The following SLC30A4 variants were observed in gnomAD, a reference collection of about 807,000 sequenced individuals.
SLC30A4 encodes the protein probable proton-coupled zinc antiporter SLC30A4.
SLC30A4 carries 20 observed loss-of-function variants against 41.7 expected under a neutral mutation model. The ratio of observed to expected loss-of-function variants is 0.48; its 90% CI spans 0.34 to 0.70. The LOEUF is 0.70. Ranked by LOEUF, SLC30A4 falls within the 30% of genes least tolerant of loss-of-function variation. SLC30A4 has a pLI of 0.01. For missense variants in SLC30A4, 441 were observed against 529.3 expected, an observed-to-expected ratio of 0.83 and a Z score of 1.64; for synonymous variants, 181 against 195.9, an observed-to-expected ratio of 0.92 and a Z score of 0.64.
In SLC30A4 at chr15:45,503,642, CA is replaced by C. The variant is rs1281818622; in HGVS notation, c.538+7495del. On this transcript the variant is annotated intron_variant, in intron 3 of 7. Transcript: ENST00000261867. ...AAAAAAAAAAGTCATGAACTCAAAA[CA>C]AAAAAAAACAAACAGGCTGTGCATG... Among the ~76,000 whole-genome samples the C allele has an allele frequency of 5.5e-5, 8 of 146,752 alleles. No homozygotes were observed. The South Asian group carries it at 1.7e-3, about 32-fold the overall frequency.
intron 3 of SLC30A4, among the ~76,000 whole-genome samples, chr15:45,497,649 T>A (rs1198050514): frequency 6.6e-6 from 1 of 152,124 alleles, no homozygotes; most frequent in Non-Finnish European, 1.5e-5. Flanking sequence ...GGAGAAAACA[T>A]AGATGATTAT....
chr15:45,522,210 C>T lies in SLC30A4; in HGVS notation c.145G>A (p.Val49Met), dbSNP rs1217699591. The T allele has an allele frequency of 6.2e-7, 1 of 1,614,274 alleles. No homozygotes were observed. The highest frequency in any genetic ancestry group is 1.1e-5 in the South Asian group (1 of 91,088). ...GCTTCGGAACCGTCATCGGCCACCACAACTCGAAGTTTGTTGAACCGAGAA... is the reference window on the plus strand; with the variant it reads ...GCTTCGGAACCGTCATCGGCCACCATAACTCGAAGTTTGTTGAACCGAGAA... ...GLSRFNKLRV[V>M]VADDGSEAPE... The change falls in exon 2 of 8, where the codon GTG (valine) becomes ATG (methionine). Residue 49 changes from valine to methionine, a missense_variant. Val to Met is a conservative substitution (Grantham distance 21). Coordinates refer to ENST00000261867, the MANE Select transcript of SLC30A4 (RefSeq NM_013309.6).
chr15:45,484,849 C>G lies in SLC30A4; in HGVS notation c.*314G>C, dbSNP rs1464012065. The G allele has an allele frequency of 4.2e-6, 1 of 236,860 alleles. No homozygotes were observed. Among genetic ancestry groups the G allele is most frequent in the African/African-American group, 2.2e-5 (1 of 44,698 alleles). The allele number at this position is 236,860 out of a possible 1,614,324, so 14.7% of individuals were successfully genotyped here. A position where few individuals can be genotyped will look rare whatever the true frequency, so the allele number is the denominator to read the frequency against. ...AAATGCAAATATTGAATTCTTGATG[C>G]TTCCTTTAAGACACGTACTCTGTCA... On this transcript the variant is annotated 3_prime_UTR_variant, in exon 8 of 8. Coordinates refer to ENST00000261867, the MANE Select transcript of SLC30A4 (RefSeq NM_013309.6).
At chr15:45,500,418 C>T (rs1055361583) in intron 3 of SLC30A4, among the ~76,000 whole-genome samples, 1 of 152,146 alleles carries the variant, frequency 6.6e-6, no homozygotes, top group Admixed American at 6.5e-5. Flanking sequence ...ATAGATGGAT[C>T]TCAGATTTGA....
chr15:45,517,916 C>T (rs1404122688), intron 2 of SLC30A4, among the ~76,000 whole-genome samples: 1 of 152,204 alleles, frequency 6.6e-6, no homozygotes, highest in Non-Finnish European at 1.5e-5. Context: ...CCACTGCACT[C>T]CAGGCTGGGC....
At chr15:45,518,353 C>T (rs1256993694) in intron 2 of SLC30A4, among the ~76,000 whole-genome samples, 1 of 152,120 alleles carries the variant, frequency 6.6e-6, no homozygotes, top group Non-Finnish European at 1.5e-5. Flanking sequence ...TAATGATTGT[C>T]TCTTCCATTA....
chr15:45,487,596 C>A lies in SLC30A4; in HGVS notation c.931G>T (p.Val311Leu). 6.3e-7 allele frequency: 1 copy of A among 1,580,306 alleles called. No individual in the cohort carries two copies. Among genetic ancestry groups the A allele is most frequent in the Non-Finnish European group, 8.7e-7 (1 of 1,150,232 alleles). ...GTAAAAGCCACAAGTAATGAAAATA[C>A]GTATGTACAGATGGGGTCAGCAATC... ...YKIADPICTY[V>L]FSLLVAFTTF... The change falls in exon 6 of 8, where the codon GTA (valine) becomes TTA (leucine). Residue 311 changes from valine (V) to leucine (L), a missense_variant. Coordinates refer to ENST00000261867, the MANE Select transcript of SLC30A4 (RefSeq NM_013309.6).
intron 2 of SLC30A4, 121 bp downstream of exon 2, chr15:45,521,843 G>T: frequency 2.1e-6 from 2 of 964,288 alleles, no homozygotes; most frequent in Non-Finnish European, 3.1e-6. Flanking sequence ...CATGAGATCA[G>T]TGTCTTGATA....
chr15:45,494,926 A>AG, intron 3 of SLC30A4, among the ~76,000 whole-genome samples: 1 of 152,144 alleles, frequency 6.6e-6, no homozygotes, highest in South Asian at 2.1e-4. Flanking sequence ...TGGGAAGCTG[A>AG]GGGGGGAGGA....
At chr15:45,517,289 C>T (rs1400616889) in intron 2 of SLC30A4, among the ~76,000 whole-genome samples, 1 of 150,778 alleles carries the variant, frequency 6.6e-6, no homozygotes, top group Non-Finnish European at 1.5e-5. Context: ...ACCTTGACCT[C>T]TCTTCTAACC....
intron 4 of SLC30A4, among the ~76,000 whole-genome samples, chr15:45,489,938 G>C (rs148326226): frequency 5.9e-5 from 9 of 152,056 alleles, no homozygotes; most frequent in African/African-American, 1.7e-4. Flanking sequence ...CATGCTAAGT[G>C]TGGCTGCTTT....
At chr15:45,509,313 G>A (rs561752937) in intron 3 of SLC30A4, among the ~76,000 whole-genome samples, 1 of 150,300 alleles carries the variant, frequency 6.7e-6, no homozygotes, top group East Asian at 2.0e-4. Flanking sequence ...GAGTGCAGCA[G>A]CATGATCTAG....
chr15:45,522,452 G>T lies in SLC30A4; in HGVS notation c.-98C>A. 1 of 1,149,332 alleles carries T rather than the reference G, an allele frequency of 8.7e-7. No individual in the cohort carries two copies. Among genetic ancestry groups the T allele is most frequent in the Non-Finnish European group, 1.2e-6 (1 of 828,294 alleles). The allele number at this position is 1,149,332 out of a possible 1,614,324, so 71.2% of individuals were successfully genotyped here. On this transcript the variant is annotated 5_prime_UTR_variant, in exon 2 of 8. Coordinates refer to ENST00000261867, the MANE Select transcript of SLC30A4 (RefSeq NM_013309.6). ...AGCGCCAGTTCTCGAGGGCAGTGCCGCGCGTCCCTCCCCATCCTGTGGAAA... is the reference window on the plus strand; with the variant it reads ...AGCGCCAGTTCTCGAGGGCAGTGCCTCGCGTCCCTCCCCATCCTGTGGAAA...
chr15:45,494,538 AG>A (rs1208289225), intron 3 of SLC30A4, among the ~76,000 whole-genome samples: 1 of 152,070 alleles, frequency 6.6e-6, no homozygotes, highest in African/African-American at 2.4e-5. Flanking sequence ...TACAAAAATT[AG>A]CTGGGCATGG....
At chr15:45,509,119 GTGTTTAAATCTCAAAAAAATTAA>G (rs1001199360) in intron 3 of SLC30A4, among the ~76,000 whole-genome samples, 5 of 152,034 alleles carry the variant, frequency 3.3e-5, no homozygotes, top group Non-Finnish European at 7.4e-5. Flanking sequence ...TTAACTGCAG[GTGTTTAAATCTCAAAAAAATTAA>G]TGTTTAAAAA....
chr15:45,493,873 C>T lies in SLC30A4; in HGVS notation c.539-2992G>A, dbSNP rs541239278. Among the ~76,000 whole-genome samples the T allele has an allele frequency of 6.6e-5, 10 of 152,050 alleles. No individual in the cohort carries two copies. The East Asian group carries it at 1.7e-3, about 26-fold the overall frequency. ...ACTCCTATAAAAACCTATGCATCAA[C>T]AGAACAGATATAAGAATAAAACAAA... On this transcript the variant is annotated intron_variant, in intron 3 of 7. Transcript: ENST00000261867.
intron 2 of SLC30A4, among the ~76,000 whole-genome samples, chr15:45,517,595 A>G (rs921366957): frequency 2.0e-5 from 3 of 151,774 alleles, no homozygotes; most frequent in African/African-American, 7.3e-5. Context: ...CATTCTTCAC[A>G]TAACAGCAGA....
intron 3 of SLC30A4, among the ~76,000 whole-genome samples, chr15:45,498,640 C>G (rs1423842160): frequency 6.6e-6 from 1 of 152,140 alleles, no homozygotes; most frequent in African/African-American, 2.4e-5. Context: ...AAGCTGACGT[C>G]TAGCTATCCA....
chr15:45,514,342 C>T (rs1220723945), intron 2 of SLC30A4, among the ~76,000 whole-genome samples: 1 of 114,614 alleles, frequency 8.7e-6, no homozygotes, highest in African/African-American at 3.2e-5. Flanking sequence ...GCCTGGGCAA[C>T]AAGAGTGGAA....
Sources: allele counts gnomAD v4.1 joint callset (sites outside exome capture counted in the v4.1 genomes callset), GRCh38; gene constraint gnomAD v4.1.1; transcripts MANE v1.5; gene names NCBI Gene and HGNC (gene_info 2026-07-23, HGNC 2026-07-21).